AKAP13: variants seen among roughly 807,000 people sequenced by gnomAD.
AKAP13 encodes the protein A-kinase anchor protein 13.
In AKAP13, 80 loss-of-function variants were observed where a neutral mutation model predicts 264.5. The ratio of observed to expected loss-of-function variants is 0.30; its 90% CI spans 0.25 to 0.36. The LOEUF is 0.36. Ranked by LOEUF, AKAP13 falls within the 10% of genes least tolerant of loss-of-function variation. The probability of loss-of-function intolerance (pLI) is 1.00; values close to 1 mark genes in which losing one functional copy is unlikely to be tolerated. For missense variants in AKAP13, 3,712 were observed against 3,435.2 expected (o/e 1.08, Z -2.01); for synonymous variants, 1,380 against 1,250.2 (o/e 1.10, Z -2.19).
chr15:85,732,135 T>G (rs2088095380), intron 30 of AKAP13, among the ~76,000 whole-genome samples: 1 of 151,622 alleles, frequency 6.6e-6, no homozygotes, highest in Non-Finnish European at 1.5e-5. Context: ...ATTCCTAACC[T>G]TATTAAAAGC....
At chr15:85,552,373 T>TTTAA (rs1358305538) in intron 5 of AKAP13, among the ~76,000 whole-genome samples, 2 of 152,206 alleles carry the variant, frequency 1.3e-5, no homozygotes, top group Non-Finnish European at 2.9e-5. Flanking sequence ...GGATTCTGGA[T>TTTAA]TTAATGAATC....
chr15:85,434,533 A>G (rs1343245386), intron 1 of AKAP13, among the ~76,000 whole-genome samples: 10 of 152,164 alleles, frequency 6.6e-5, no homozygotes, highest in South Asian at 2.1e-4. Context: ...CAGACAAACA[A>G]AAAGACAGCA....
At chr15:85,651,084 G>C (rs1313510444) in intron 10 of AKAP13, among the ~76,000 whole-genome samples, 1 of 152,126 alleles carries the variant, frequency 6.6e-6, no homozygotes. Context: ...ATAGTAATAA[G>C]ATATAAAGTA....
intron 20 of AKAP13, among the ~76,000 whole-genome samples, chr15:85,716,838 A>T (rs905083190): frequency 4.6e-5 from 7 of 152,138 alleles, no homozygotes; most frequent in Admixed American, 4.6e-4. Flanking sequence ...TATTGTGTCT[A>T]CTCACACATC....
At chr15:85,420,261 CTT>C in intron 1 of AKAP13, among the ~76,000 whole-genome samples, 1 of 151,524 alleles carries the variant, frequency 6.6e-6, no homozygotes, top group African/African-American at 2.4e-5. Context: ...TAATCTGACT[CTT>C]TTAACAGTAT....
intron 2 of AKAP13, among the ~76,000 whole-genome samples, chr15:85,500,145 G>A (rs750218352): frequency 3.0e-4 from 45 of 152,130 alleles, no homozygotes; most frequent in Non-Finnish European, 1.3e-4. Context: ...AACCACACAG[G>A]GGGATTTTGT....
At chr15:85,676,781 A>T (rs991411401) in intron 14 of AKAP13, among the ~76,000 whole-genome samples, 4 of 152,180 alleles carry the variant, frequency 2.6e-5, no homozygotes, top group Non-Finnish European at 5.9e-5. Flanking sequence ...TATTAGCCAA[A>T]TTTTTTAGAA....
chr15:85,467,497 C>T (rs2074789356), intron 1 of AKAP13, among the ~76,000 whole-genome samples: 1 of 152,148 alleles, frequency 6.6e-6, no homozygotes, highest in African/African-American at 2.4e-5. Flanking sequence ...AGAATGACTT[C>T]TCTGTCATCC....
intron 8 of AKAP13, among the ~76,000 whole-genome samples, chr15:85,611,551 C>T (rs1336481740): frequency 6.6e-6 from 1 of 152,240 alleles, no homozygotes; most frequent in East Asian, 1.9e-4. Flanking sequence ...GCTGAGTTCA[C>T]ACTGCCATCA....
Position 85,519,516 on chromosome 15 carries a change from C to T in AKAP13, c.34-1912C>T, listed in dbSNP as rs766286042. ...TTGAGAAATGGACTCTTCTCATACA[C>T]GCTGCAAAAACATCTTTTTAACTGG... On this transcript the variant is annotated intron_variant, in intron 2 of 36. Coordinates refer to ENST00000394518, the MANE Select transcript of AKAP13 (RefSeq NM_007200.5). Among the ~76,000 whole-genome samples the T allele has an allele frequency of 2.6e-5, 4 of 152,242 alleles. No individual in the cohort carries two copies. In the East Asian group the frequency reaches 7.7e-4, roughly 29 times the overall value.
intron 9 of AKAP13, among the ~76,000 whole-genome samples, chr15:85,641,414 C>G (rs1404679982): frequency 8.0e-5 from 12 of 149,222 alleles, no homozygotes; most frequent in Non-Finnish European, 1.8e-4. Context: ...CCACTGCACT[C>G]CAGCCTGGGC....
intron 1 of AKAP13, among the ~76,000 whole-genome samples, chr15:85,417,155 G>GAT (rs1467417795): frequency 6.6e-6 from 1 of 152,122 alleles, no homozygotes; most frequent in Non-Finnish European, 1.5e-5. Flanking sequence ...ATTGTTTTCT[G>GAT]ATTGTTTGAT....
intron 5 of AKAP13, among the ~76,000 whole-genome samples, chr15:85,547,728 T>G (rs908401528): frequency 1.1e-4 from 16 of 152,212 alleles, no homozygotes; most frequent in African/African-American, 3.9e-4. Flanking sequence ...GTATTTAAGT[T>G]TCACTCTAAG....
chr15:85,464,720 A>G (rs2074657957), intron 1 of AKAP13, among the ~76,000 whole-genome samples: 1 of 152,222 alleles, frequency 6.6e-6, no homozygotes, highest in African/African-American at 2.4e-5. Flanking sequence ...AACCTCAGGC[A>G]GTCTGATACC....
chr15:85,524,772 G>T (rs1322736403), intron 3 of AKAP13, among the ~76,000 whole-genome samples: 1 of 151,730 alleles, frequency 6.6e-6, no homozygotes, highest in Non-Finnish European at 1.5e-5. Flanking sequence ...ACCCATCTCA[G>T]TTTTCTCTCT....
At chr15:85,401,121 C>CA (rs1439883212) in intron 1 of AKAP13, among the ~76,000 whole-genome samples, 2 of 151,958 alleles carry the variant, frequency 1.3e-5, no homozygotes, top group Non-Finnish European at 2.9e-5. Flanking sequence ...CTTGGCCTCT[C>CA]AAAGTGCTGG....
intron 36 of AKAP13, chr15:85,744,068 G>C (rs910083435): frequency 7.8e-6 from 4 of 514,246 alleles, no homozygotes; most frequent in African/African-American, 5.7e-5. Flanking sequence ...GGCATTATCC[G>C]ATCGAGGAAC....
intron 5 of AKAP13, among the ~76,000 whole-genome samples, chr15:85,557,674 G>C (rs1490203863): frequency 2.0e-5 from 3 of 152,174 alleles, no homozygotes; most frequent in Middle Eastern, 3.4e-3. Flanking sequence ...ATGAGGTCTT[G>C]TATGTTGCCC....
intron 10 of AKAP13, among the ~76,000 whole-genome samples, chr15:85,647,955 A>C (rs139935915): frequency 6.6e-6 from 1 of 152,206 alleles, no homozygotes; most frequent in East Asian, 1.9e-4. Flanking sequence ...AACAAAAAAA[A>C]CTCCACATTT....
Sources: gnomAD v4.1 joint callset for allele counts (sites outside exome capture counted in the v4.1 genomes callset) on GRCh38, gnomAD v4.1.1 for gene constraint, MANE v1.5 for transcripts, NCBI Gene and HGNC (gene_info 2026-07-23, HGNC 2026-07-21) for gene names.